CAB39L: variants seen among roughly 807,000 people sequenced by gnomAD.
CAB39L encodes calcium binding protein 39 like, also known as calcium-binding protein 39-like.
Under a neutral mutation model 39.1 loss-of-function variants are expected in CAB39L, and 23 were observed. The observed-to-expected ratio is 0.59, with a 90% CI of 0.42 to 0.83. The LOEUF (loss-of-function observed/expected upper bound fraction) is 0.83, where lower values mean the gene tolerates loss of function less well. CAB39L is among the 40% of genes least tolerant of loss of function. CAB39L has a pLI of 0.00. For missense variants in CAB39L, 366 were observed against 391.9 expected, an observed-to-expected ratio of 0.93 and a Z score of 0.56; for synonymous variants, 126 against 137.2, an observed-to-expected ratio of 0.92 and a Z score of 0.57.
intron 10 of CAB39L, among the ~76,000 whole-genome samples, chr13:49,313,560 A>G (rs1334941271): frequency 6.6e-6 from 1 of 152,028 alleles, no homozygotes; most frequent in East Asian, 1.9e-4. Context: ...GTGGATGTCT[A>G]GCATTCTGTA....
At chr13:49,378,619 C>G (rs1956166888) in intron 4 of CAB39L, among the ~76,000 whole-genome samples, 1 of 70,326 alleles carries the variant, frequency 1.4e-5, no homozygotes, top group African/African-American at 8.5e-5. Flanking sequence ...GCCAGCCGCC[C>G]CGTCCGGGAG....
At chr13:49,366,646 A>AC (rs1955780815) in intron 5 of CAB39L, among the ~76,000 whole-genome samples, 2 of 150,478 alleles carry the variant, frequency 1.3e-5, no homozygotes, top group Non-Finnish European at 3.0e-5. Flanking sequence ...AAAAAAAAAA[A>AC]AAACCCATGC....
At chr13:49,350,674 A>G in intron 7 of CAB39L, 70 bp downstream of exon 7, 1 of 1,203,290 alleles carries the variant, frequency 8.3e-7, no homozygotes, top group South Asian at 1.8e-5. Flanking sequence ...TTGCTTTTTA[A>G]AATTAAATTG....
rs552710476 is a variant in CAB39L, at chr13:49,333,682, C to T, written c.691-1592G>A. ...CACCTCCCAGGTTCATGCCATTCTC[C>T]CGCCTCAGCCTCCCGAGTAGCTGAG... On this transcript the variant is annotated intron_variant, in intron 9 of 10. Coordinates refer to ENST00000409308, the MANE Select transcript of CAB39L (RefSeq NM_001079670.3). Among the ~76,000 whole-genome samples, 27 of 151,670 alleles carry T rather than the reference C, an allele frequency of 1.8e-4. No homozygotes were observed. In the South Asian group the frequency reaches 5.6e-3, roughly 32 times the overall value.
At position 49,377,513 on chromosome 13, in the gene CAB39L, T is replaced by C. The variant is rs1358275134; in HGVS notation, c.112-382A>G. On this transcript the variant is annotated intron_variant, in intron 4 of 10. Transcript: ENST00000409308. ...CTGCAACCTCCCTGCCTGATTCTCC[T>C]GCCTCAGCCTGCCCAGTGCCTGCCA... 4.6e-5 allele frequency among the ~76,000 whole-genome samples: 4 copies of C among 86,932 alleles called. No individual in the cohort carries two copies. In the East Asian group the frequency reaches 9.6e-4, roughly 21 times the overall value. The allele number at this position is 86,932 out of a possible 152,430, so 57.0% of individuals were successfully genotyped here.
chr13:49,411,814 C>G, intron 3 of CAB39L, among the ~76,000 whole-genome samples: 1 of 152,086 alleles, frequency 6.6e-6, no homozygotes, highest in East Asian at 1.9e-4. Context: ...GAGGAACATT[C>G]GAGCCCCCAG....
intron 3 of CAB39L, among the ~76,000 whole-genome samples, chr13:49,430,876 A>T (rs1274363686): frequency 6.6e-6 from 1 of 152,230 alleles, no homozygotes; most frequent in Non-Finnish European, 1.5e-5. Context: ...ATTTTCATAG[A>T]ATTGCACTGA....
At chr13:49,340,278 G>A (rs1004642207) in intron 8 of CAB39L, among the ~76,000 whole-genome samples, 1 of 152,140 alleles carries the variant, frequency 6.6e-6, no homozygotes, top group African/African-American at 2.4e-5. Context: ...TTCCTAACAT[G>A]GTCACCAACC....
chr13:49,420,762 G>A (rs990909969), intron 3 of CAB39L, among the ~76,000 whole-genome samples: 24 of 152,184 alleles, frequency 1.6e-4, no homozygotes, highest in African/African-American at 5.8e-4. Flanking sequence ...TATTAGAAAT[G>A]CTAAGCATCA....
rs1210549699 is a variant in CAB39L, at chr13:49,377,574, G to A, written c.112-443C>T. 1.2e-4 allele frequency among the ~76,000 whole-genome samples: 11 copies of A among 88,460 alleles called. 4 individuals carry two copies. The highest frequency in any genetic ancestry group is 2.5e-4 in the Non-Finnish European group (11 of 44,222). The allele number at this position is 88,460 out of a possible 152,430, so 58.0% of individuals were successfully genotyped here. On this transcript the variant is annotated intron_variant, in intron 4 of 10. Transcript: ENST00000409308. ...GCGCCGCCACGCCTGACTGGTTTTG[G>A]TGGAGACGGGGTTTCGCTGTGTTGG...
intron 6 of CAB39L, among the ~76,000 whole-genome samples, chr13:49,357,806 T>C (rs1199197369): frequency 1.3e-5 from 2 of 152,212 alleles, no homozygotes; most frequent in Admixed American, 6.5e-5. Flanking sequence ...GATGACTCCA[T>C]GTTGCCTACA....
At chr13:49,331,134 A>G (rs1954679276) in intron 10 of CAB39L, among the ~76,000 whole-genome samples, 1 of 152,160 alleles carries the variant, frequency 6.6e-6, no homozygotes, top group Non-Finnish European at 1.5e-5. Flanking sequence ...ATACAGAATT[A>G]CAAATAGAAT....
chr13:49,384,876 C>T (rs760762995), intron 3 of CAB39L, among the ~76,000 whole-genome samples: 3 of 152,170 alleles, frequency 2.0e-5, no homozygotes, highest in Non-Finnish European at 4.4e-5. Flanking sequence ...TGTCATCAGG[C>T]TTTGTTGTTC....
chr13:49,387,036 A>G (rs1956380779), intron 3 of CAB39L, among the ~76,000 whole-genome samples: 1 of 152,172 alleles, frequency 6.6e-6, no homozygotes, highest in South Asian at 2.1e-4. Context: ...CAAACACAAG[A>G]CACGTAAACT....
At chr13:49,412,632 C>T (rs9591258) in intron 3 of CAB39L, among the ~76,000 whole-genome samples, 41,289 of 152,064 alleles carry the variant, frequency 0.27, 6,066 homozygotes, top group Middle Eastern at 0.4. Flanking sequence ...TACTCAATTA[C>T]GTTAAGCCAG....
intron 3 of CAB39L, among the ~76,000 whole-genome samples, chr13:49,427,258 C>T (rs1219456613): frequency 6.6e-6 from 1 of 152,184 alleles, no homozygotes; most frequent in African/African-American, 2.4e-5. Context: ...TTAAGCCCTT[C>T]CTGGCAACCT....
intron 3 of CAB39L, among the ~76,000 whole-genome samples, chr13:49,417,395 G>A (rs938834660): frequency 1.1e-4 from 16 of 152,002 alleles, no homozygotes; most frequent in African/African-American, 3.9e-4. Context: ...GCATTGCCAG[G>A]CCATCCAAAA....
In CAB39L at chr13:49,339,658, T is replaced by C; in HGVS notation, c.690+19A>G. The C allele has an allele frequency of 6.4e-7, 1 of 1,558,818 alleles. No individual in the cohort carries two copies. Among genetic ancestry groups the C allele is most frequent in the Non-Finnish European group, 8.6e-7 (1 of 1,156,100 alleles). ...ATATAAACTTACGGGGACACTGACTTAAAGAAATTTGATATTACCTTTAAA... is the reference window on the plus strand; with the variant it reads ...ATATAAACTTACGGGGACACTGACTCAAAGAAATTTGATATTACCTTTAAA... On this transcript the variant is annotated intron_variant, in intron 9 of 10. Coordinates refer to ENST00000409308, the MANE Select transcript of CAB39L (RefSeq NM_001079670.3).
chr13:49,432,026 A>G (rs1957333891), intron 3 of CAB39L, among the ~76,000 whole-genome samples: 1 of 152,228 alleles, frequency 6.6e-6, no homozygotes, highest in African/African-American at 2.4e-5. Flanking sequence ...GTAAAAGCAG[A>G]ACAAAAAAAC....
Sources: allele counts gnomAD v4.1 joint callset (sites outside exome capture counted in the v4.1 genomes callset), GRCh38; gene constraint gnomAD v4.1.1; transcripts MANE v1.5; gene names NCBI Gene and HGNC (gene_info 2026-07-23, HGNC 2026-07-21).